GSG1L: variants seen among roughly 807,000 people sequenced by gnomAD.
The protein encoded by GSG1L is germ cell-specific gene 1-like protein.
Under a neutral mutation model 42.1 loss-of-function variants are expected in GSG1L, and 24 were observed. The ratio of observed to expected loss-of-function variants is 0.57; its 90% confidence interval spans 0.41 to 0.80. The LOEUF (loss-of-function observed/expected upper bound fraction) is 0.80. GSG1L is among the 30% of genes least tolerant of loss of function. The pLI is 0.00. For missense variants in GSG1L, 445 were observed against 472.2 expected (o/e 0.94, Z 0.53); for synonymous variants, 215 against 203.5 (o/e 1.06, Z -0.48).
At chr16:27,849,983 G>A (rs78486811) in intron 3 of GSG1L, among the ~76,000 whole-genome samples, 1,694 of 149,236 alleles carry the variant, frequency 0.011, 29 homozygotes, top group African/African-American at 0.04. Context: ...AGAAGTTTGG[G>A]TGGGTAGAAT....
At chr16:28,061,123 C>T (rs1468922294) in intron 1 of GSG1L, among the ~76,000 whole-genome samples, 2 of 152,088 alleles carry the variant, frequency 1.3e-5, no homozygotes, top group Non-Finnish European at 2.9e-5. Flanking sequence ...GTGGTATCTC[C>T]CCAGGGCTGG....
At position 27,809,467 on chromosome 16, in the gene GSG1L, A is replaced by G. The variant is rs114529332; in HGVS notation, c.831-1913T>C. On this transcript the variant is annotated intron_variant, in intron 5 of 6. Coordinates refer to ENST00000447459, the MANE Select transcript of GSG1L (RefSeq NM_001109763.2). ...GTGATGTGTGCCTCTGGTCTCAGCT[A>G]CAGTCTCGGCTGAGGTGGGAGGATC... 6.1e-3 allele frequency among the ~76,000 whole-genome samples: 932 copies of G among 152,080 alleles called. 6 individuals carry two copies. Among genetic ancestry groups the G allele is most frequent in the African/African-American group, 0.022 (892 of 41,482 alleles).
intron 1 of GSG1L, among the ~76,000 whole-genome samples, chr16:28,031,384 A>G (rs1211628012): frequency 1.5e-5 from 2 of 133,770 alleles, no homozygotes; most frequent in African/African-American, 2.9e-5. Context: ...ATGGGATGGG[A>G]TGGGATGAGA....
intron 1 of GSG1L, among the ~76,000 whole-genome samples, chr16:27,996,163 C>T (rs1164888633): frequency 6.6e-6 from 1 of 152,200 alleles, no homozygotes; most frequent in African/African-American, 2.4e-5. Flanking sequence ...GCCTCAGCCT[C>T]TCCTCTGGAC....
At chr16:27,986,300 G>A (rs980830246) in intron 1 of GSG1L, among the ~76,000 whole-genome samples, 1 of 152,120 alleles carries the variant, frequency 6.6e-6, no homozygotes, top group African/African-American at 2.4e-5. Context: ...AGGAGTTTGA[G>A]ACCAGCCTGG....
intron 3 of GSG1L, among the ~76,000 whole-genome samples, chr16:27,878,127 A>G (rs1276353825): frequency 1.3e-5 from 2 of 152,144 alleles, no homozygotes; most frequent in East Asian, 3.9e-4. Flanking sequence ...TGGCATGATC[A>G]TAACTCACAG....
intron 1 of GSG1L, among the ~76,000 whole-genome samples, chr16:27,985,726 G>A (rs1257342880): frequency 2.0e-5 from 3 of 152,064 alleles, no homozygotes; most frequent in Non-Finnish European, 4.4e-5. Flanking sequence ...CCAGCTACCT[G>A]GGAGGCTGAG....
At chr16:27,933,052 T>C (rs950114849) in intron 2 of GSG1L, among the ~76,000 whole-genome samples, 1 of 152,070 alleles carries the variant, frequency 6.6e-6, no homozygotes, top group African/African-American at 2.4e-5. Flanking sequence ...CTAATACACA[T>C]ACTATTCATA....
chr16:28,041,705 G>T (rs955509874), intron 1 of GSG1L, among the ~76,000 whole-genome samples: 12 of 152,176 alleles, frequency 7.9e-5, no homozygotes, highest in Admixed American at 4.6e-4. Context: ...GAGCAGGTGG[G>T]TTACCTGAAT....
intron 1 of GSG1L, among the ~76,000 whole-genome samples, chr16:28,047,291 C>T (rs535039175): frequency 6.6e-6 from 1 of 151,810 alleles, no homozygotes; most frequent in Non-Finnish European, 1.5e-5. Context: ...ATAATTATAA[C>T]AAAAATGGAA....
At chr16:27,918,155 G>A (rs976705704) in intron 2 of GSG1L, among the ~76,000 whole-genome samples, 3 of 152,042 alleles carry the variant, frequency 2.0e-5, no homozygotes, top group African/African-American at 7.3e-5. Flanking sequence ...CCTCTGATTT[G>A]GTCATGAATC....
intron 2 of GSG1L, among the ~76,000 whole-genome samples, chr16:27,942,243 G>A (rs571298864): frequency 7.9e-4 from 119 of 151,266 alleles, no homozygotes; most frequent in Admixed American, 1.9e-3. Context: ...TCTGCCTCCC[G>A]GGTTCAAGTG....
intron 1 of GSG1L, among the ~76,000 whole-genome samples, chr16:28,046,650 G>C (rs541221642): frequency 6.6e-6 from 1 of 152,118 alleles, no homozygotes; most frequent in East Asian, 1.9e-4. Flanking sequence ...CACCAAGCCC[G>C]GCCCGAAATC....
At chr16:27,913,844 A>AT (rs200551123) in intron 2 of GSG1L, among the ~76,000 whole-genome samples, 2,436 of 152,260 alleles carry the variant, frequency 0.016, 66 homozygotes, top group African/African-American at 0.056. Context: ...TTATTTTAAA[A>AT]TTTTTTTCTA....
intron 1 of GSG1L, among the ~76,000 whole-genome samples, chr16:27,967,784 A>G (rs1248413392): frequency 1.1e-4 from 16 of 152,176 alleles, no homozygotes; most frequent in Admixed American, 7.2e-4. Context: ...GTGTTGGCAT[A>G]TGCCTGTAAT....
intron 2 of GSG1L, among the ~76,000 whole-genome samples, chr16:27,919,095 C>T (rs1419423961): frequency 6.6e-6 from 1 of 152,132 alleles, no homozygotes; most frequent in Admixed American, 6.5e-5. Flanking sequence ...CATCATGAGC[C>T]ACAGTAGAAA....
intron 2 of GSG1L, among the ~76,000 whole-genome samples, chr16:27,936,330 G>T (rs540319332): frequency 6.6e-6 from 1 of 152,292 alleles, no homozygotes; most frequent in Admixed American, 6.5e-5. Context: ...GAAGGTGTTT[G>T]GGTCATGGGG....
intron 1 of GSG1L, among the ~76,000 whole-genome samples, chr16:27,990,760 A>C (rs2085446614): frequency 6.6e-6 from 1 of 152,206 alleles, no homozygotes; most frequent in African/African-American, 2.4e-5. Context: ...AGTCTTTGCT[A>C]TTGTGAATAG....
In GSG1L at chr16:27,889,439, T is replaced by C. The variant is rs2084097233; in HGVS notation, c.398-4801A>G. Reference sequence around the variant, plus strand: ...AATTGTCACAATAAGGGCTGACAGTTATGAGGTCTTTATTATGAGCCAAGT... The same window carrying C: ...AATTGTCACAATAAGGGCTGACAGTCATGAGGTCTTTATTATGAGCCAAGT... On this transcript the variant is annotated intron_variant, in intron 2 of 6. Coordinates refer to ENST00000447459, the MANE Select transcript of GSG1L (RefSeq NM_001109763.2). 3.3e-5 allele frequency among the ~76,000 whole-genome samples: 5 copies of C among 152,290 alleles called. No individual in the cohort carries two copies. In the South Asian group the frequency reaches 1.0e-3, roughly 32 times the overall value.
Sources: allele counts gnomAD v4.1 joint callset (sites outside exome capture counted in the v4.1 genomes callset), GRCh38; gene constraint gnomAD v4.1.1; transcripts MANE v1.5; gene names NCBI Gene and HGNC (gene_info 2026-07-23, HGNC 2026-07-21).